The following KCNC3 variants were observed in gnomAD, a reference collection of about 807,000 sequenced individuals.
The protein encoded by KCNC3 is potassium voltage-gated channel subfamily C member 3, also known as voltage-gated potassium channel KCNC3.
KCNC3 carries 22 observed loss-of-function variants against 43.9 expected under a neutral mutation model. That is an observed-to-expected ratio of 0.50 (90% CI 0.36 to 0.72). The LOEUF is 0.72. KCNC3 is among the 30% of genes least tolerant of loss of function. The pLI is 0.00. For synonymous variants in KCNC3, 492 were observed against 488.0 expected (o/e 1.01, Z -0.11); for missense variants, 829 against 1,073.8 (o/e 0.77, Z 3.19).
intron 4 of KCNC3, among the ~76,000 whole-genome samples, chr19:50,319,498 T>C (rs1191385096): frequency 6.6e-6 from 1 of 152,172 alleles, no homozygotes; most frequent in African/African-American, 2.4e-5. Context: ...CTAAGCTCTG[T>C]CCTGCGGTTC....
rs1368613980 is a variant in KCNC3, at chr19:50,314,590, T to C, written c.*1525A>G. ...TACACAAGTTGATGGCAGGGGGATG[T>C]CCTATGGCTCGTGGAGACCTGAGAA... On this transcript the variant is annotated 3_prime_UTR_variant, in exon 5 of 5. Transcript: ENST00000477616. The C allele has an allele frequency of 1.7e-5, 5 of 299,516 alleles. No homozygotes were observed. Among genetic ancestry groups the C allele is most frequent in the Non-Finnish European group, 3.2e-5 (5 of 154,330 alleles). 18.6% of individuals were successfully genotyped at this position (299,516 alleles called of 1,614,324 possible).
rs753744189 is a variant in KCNC3 at position 50,328,600 on chromosome 19, G to A, written c.483C>T (p.Asp161=). The change falls in exon 1 of 5, where the codon GAC becomes GAT. Residue 161 remains aspartate, a synonymous_variant. Coordinates refer to ENST00000477616, the MANE Select transcript of KCNC3 (RefSeq NM_004977.3). ...YRTGKLHCPA[D]VCGPLFEEEL... ...CCTCCTCAAACAGGGGCCCGCACAC[G>A]TCGGCTGGGCAGTGCAGCTTGCCGG... 1.2e-5 allele frequency: 19 copies of A among 1,611,244 alleles called. No homozygotes were observed. Among genetic ancestry groups the A allele is most frequent in the Middle Eastern group, 2.0e-4 (1 of 4,996 alleles).
chr19:50,331,892 CCTCT>C (rs950716409), upstream of KCNC3, among the ~76,000 whole-genome samples: 2 of 152,106 alleles, frequency 1.3e-5, no homozygotes, highest in African/African-American at 4.8e-5. Context: ...CCCCCATCAC[CCTCT>C]CTAACCCCCG....
At chr19:50,326,743 G>A in intron 1 of KCNC3, among the ~76,000 whole-genome samples, 1 of 152,324 alleles carries the variant, frequency 6.6e-6, no homozygotes, top group African/African-American at 2.4e-5. Flanking sequence ...GTTCAGGAGA[G>A]AACCCAGGGG....
In KCNC3 at chr19:50,314,537, G is replaced by A. The variant is rs2036920869; in HGVS notation, c.*1578C>T. On this transcript the variant is annotated 3_prime_UTR_variant, in exon 5 of 5. Transcript: ENST00000477616. ...CAGTGTGTGGGGGGAGGTGCCCCAA[G>A]ATGTAACTGGCATAATTTGGACTTA... The A allele has an allele frequency of 3.9e-6, 1 of 254,596 alleles. No homozygotes were observed. The highest frequency in any genetic ancestry group is 7.8e-6 in the Non-Finnish European group (1 of 128,578). 15.8% of individuals were successfully genotyped at this position (254,596 alleles called of 1,614,324 possible).
At chr19:50,319,788 G>A (rs1231788902) in intron 4 of KCNC3, among the ~76,000 whole-genome samples, 1 of 152,162 alleles carries the variant, frequency 6.6e-6, no homozygotes, top group Non-Finnish European at 1.5e-5. Flanking sequence ...CAGTACCTGG[G>A]ATGCGTGGGT....
At chr19:50,322,913 C>T in intron 2 of KCNC3, 62 bp downstream of exon 2, 2 of 1,502,172 alleles carry the variant, frequency 1.3e-6, no homozygotes, top group Non-Finnish European at 1.8e-6. Flanking sequence ...ACCCCGGCAG[C>T]TACCTCCCCA....
At chr19:50,316,715 G>T (rs918312774) in intron 4 of KCNC3, among the ~76,000 whole-genome samples, 6 of 151,952 alleles carry the variant, frequency 3.9e-5, no homozygotes, top group Non-Finnish European at 7.4e-5. Flanking sequence ...CAGCCTGGGC[G>T]ACAGAGCGAG....
In KCNC3 at chr19:50,328,796, C is replaced by T; in HGVS notation, c.287G>A (p.Gly96Asp). ...DSGKIVINVG[G>D]VRHETYRSTL... The stretch of plus-strand genomic sequence containing the variant: ...CGAGCGGTACGTCTCATGGCGCACG[C>T]CGCCCACGTTGATCACGATCTTGCC... Residue 96 changes from glycine (G) to aspartate (D), a missense_variant, in exon 1 of 5, where the codon GGC (glycine) becomes GAC (aspartate). Transcript: ENST00000477616. 1 of 1,558,558 alleles carries T rather than the reference C, an allele frequency of 6.4e-7. No homozygotes were observed. The highest frequency in any genetic ancestry group is 1.2e-5 in the South Asian group (1 of 85,960).
At chr19:50,328,163 G>C (rs894436361) in intron 1 of KCNC3, 50 bp downstream of exon 1, 1 of 983,954 alleles carries the variant, frequency 1.0e-6, no homozygotes, top group East Asian at 1.0e-4. Flanking sequence ...GACTGGGGGC[G>C]CCTGGAGAGG....
At position 50,323,202 on chromosome 19, in the gene KCNC3, G is replaced by C. The variant is rs1034583217; in HGVS notation, c.1751C>G (p.Pro584Arg). 6.6e-7 allele frequency: 1 copy of C among 1,519,784 alleles called. No homozygotes were observed. The highest frequency in any genetic ancestry group is 8.8e-7 in the Non-Finnish European group (1 of 1,132,934). 94.1% of individuals were successfully genotyped at this position (1,519,784 alleles called of 1,614,324 possible). Residue 584 changes from proline to arginine, a missense_variant, in exon 2 of 5, where the codon CCG becomes CGG. By Grantham distance (103) the Pro-to-Arg change is moderately radical (BLOSUM62 -2). Transcript: ENST00000477616. The part of the protein sequence containing the change: ...YCKPDPPPPP[P>R]PHPHHGSGGI... ...CCCGCTGCCGTGGTGCGGGTGGGGC[G>C]GGGGTGGCGGGGGTGGGTCAGGCTT... is the stretch of plus-strand genomic sequence containing the variant.
intron 3 of KCNC3, 77 bp downstream of exon 3, chr19:50,320,516 C>A (rs890487146): frequency 2.1e-6 from 3 of 1,405,414 alleles, no homozygotes; most frequent in Non-Finnish European, 3.0e-6. Context: ...CCTCCTCCCC[C>A]ATCCCCCTCT....
At chr19:50,322,154 G>A (rs538818731) in intron 2 of KCNC3, among the ~76,000 whole-genome samples, 1 of 152,000 alleles carries the variant, frequency 6.6e-6, no homozygotes, top group African/African-American at 2.4e-5. Context: ...GGCAGTGCAG[G>A]GGGGGGCCAC....
chr19:50,326,931 A>T (rs1471558253), intron 1 of KCNC3, among the ~76,000 whole-genome samples: 2 of 118,434 alleles, frequency 1.7e-5, no homozygotes, highest in South Asian at 2.9e-4. Context: ...GCGGGGGGGG[A>T]GGTTCGAGAA....
At chr19:50,330,914 G>C (rs1013257931), upstream of KCNC3, among the ~76,000 whole-genome samples, 2 of 151,952 alleles carry the variant, frequency 1.3e-5, no homozygotes, top group South Asian at 4.1e-4. Context: ...TGCGGCTGGG[G>C]CTGCGGAGGG....
chr19:50,330,920 G>A (rs1601105363), upstream of KCNC3, among the ~76,000 whole-genome samples: 1 of 151,978 alleles, frequency 6.6e-6, no homozygotes, highest in Admixed American at 6.6e-5. Context: ...TGGGGCTGCG[G>A]AGGGAGGAGG....
At position 50,320,322 on chromosome 19, in the gene KCNC3, T is replaced by A; in HGVS notation, c.2198A>T (p.Gln733Leu). 1 of 311,232 alleles carries A rather than the reference T, an allele frequency of 3.2e-6. No homozygotes were observed. Among genetic ancestry groups the A allele is most frequent in the Non-Finnish European group, 5.3e-6 (1 of 190,230 alleles). 19.3% of individuals were successfully genotyped at this position (311,232 alleles called of 1,614,324 possible). The change falls in exon 4 of 5, where the codon CAA becomes CTA. Residue 733 changes from glutamine (Q) to leucine (L), a missense_variant. Coordinates refer to ENST00000477616, the MANE Select transcript of KCNC3 (RefSeq NM_004977.3). ...KATGAPPLPP[Q>L]DWRKPGPPSF... is the part of the protein sequence containing the mutation. The stretch of plus-strand genomic sequence containing the variant: ...TGGGGGGCCTGGCTTACGCCAGTCT[T>A]GGGGGGGCAGTGGGGGAGCACCAGT...
upstream of KCNC3, among the ~76,000 whole-genome samples, chr19:50,330,507 C>G (rs1391484936): frequency 6.6e-6 from 1 of 152,016 alleles, no homozygotes; most frequent in Non-Finnish European, 1.5e-5. Context: ...TCTTCGGGAT[C>G]AGAAGACCTG....
Position 50,314,999 on chromosome 19 carries a change from T to G in KCNC3, c.*1116A>C, listed in dbSNP as rs1342404138. The G allele has an allele frequency of 1.1e-4, 25 of 232,100 alleles. No homozygotes were observed. Among genetic ancestry groups the G allele is most frequent in the Admixed American group, 1.8e-4 (3 of 16,686 alleles). The allele number at this position is 232,100 out of a possible 1,614,324, so 14.4% of individuals were successfully genotyped here. ...GCGGGATTTCTCGTAACCTGGGGGG[T>G]GGGGAGGTGTGCAGACACAGGGGGG... On this transcript the variant is annotated 3_prime_UTR_variant, in exon 5 of 5. Transcript: ENST00000477616.
Sources: gnomAD v4.1 joint callset for allele counts (sites outside exome capture counted in the v4.1 genomes callset) on GRCh38, gnomAD v4.1.1 for gene constraint, MANE v1.5 for transcripts, NCBI Gene and HGNC (gene_info 2026-07-23, HGNC 2026-07-21) for gene names.